Variants in SLK observed in about 807,000 individuals in gnomAD.
The protein encoded by SLK is STE20 like kinase, also known as STE20-like serine/threonine-protein kinase.
Under a neutral mutation model 147.7 loss-of-function variants are expected in SLK, and 67 were observed. The ratio of observed to expected loss-of-function variants is 0.45; its 90% CI spans 0.37 to 0.56. The LOEUF is 0.56. Ranked by LOEUF, SLK falls within the 20% of genes least tolerant of loss-of-function variation. The pLI is 0.00. For missense variants in SLK, 1,136 were observed against 1,438.8 expected (o/e 0.79, Z 3.41); for synonymous variants, 441 against 475.0 (o/e 0.93, Z 0.93).
At chr10:103,987,507 A>G (rs556916646) in intron 1 of SLK, among the ~76,000 whole-genome samples, 199 of 133,972 alleles carry the variant, frequency 1.5e-3, no homozygotes, top group African/African-American at 4.7e-3. Flanking sequence ...ATGTGCATGA[A>G]TTTTATTTTA....
chr10:103,968,420 A>G (rs1394883648), intron 1 of SLK, among the ~76,000 whole-genome samples: 1 of 152,248 alleles, frequency 6.6e-6, no homozygotes, highest in Non-Finnish European at 1.5e-5. Context: ...TATAAAATAG[A>G]ATGGAATTTC....
intron 7 of SLK, among the ~76,000 whole-genome samples, chr10:104,001,081 A>C (rs1444219405): frequency 6.6e-6 from 1 of 151,462 alleles, no homozygotes; most frequent in African/African-American, 2.4e-5. Flanking sequence ...AAAAAAAAAA[A>C]AAAAAGTAAT....
chr10:103,979,198 G>A (rs1231498869), intron 1 of SLK, among the ~76,000 whole-genome samples: 1 of 152,228 alleles, frequency 6.6e-6, no homozygotes, highest in African/African-American at 2.4e-5. Flanking sequence ...GTATTTTTTA[G>A]TAGAGATGGG....
At chr10:103,997,183 C>T (rs931431284) in intron 4 of SLK, among the ~76,000 whole-genome samples, 2 of 152,152 alleles carry the variant, frequency 1.3e-5, no homozygotes, top group Non-Finnish European at 2.9e-5. Context: ...CAACATTTGT[C>T]CTTTTGTGAC....
intron 13 of SLK, 125 bp downstream of exon 13, chr10:104,011,033 A>G: frequency 2.0e-6 from 1 of 494,254 alleles, no homozygotes; most frequent in Non-Finnish European, 3.5e-6. Context: ...TCCCCATTCA[A>G]AAACTCCTGG....
At chr10:104,019,447 T>A (rs917684107) in intron 15 of SLK, among the ~76,000 whole-genome samples, 1 of 151,986 alleles carries the variant, frequency 6.6e-6, no homozygotes, top group Non-Finnish European at 1.5e-5. Flanking sequence ...AAAAAAAATT[T>A]TGTGTGTGGA....
Position 104,021,739 on chromosome 10 carries a change from TTTAAAAGCTTTAA to T in SLK, c.3561+13_3561+25del, listed in dbSNP as rs1564664881. 2 of 1,448,886 alleles carry T rather than the reference TTTAAAAGCTTTAA, an allele frequency of 1.4e-6. No homozygotes were observed. The allele number at this position is 1,448,886 out of a possible 1,614,324, so 89.8% of individuals were successfully genotyped here. ...AATTGAGACCTAGGAAAAAGGTAAT[TTTAAAAGCTTTAA>T]TTAAAATGATATGTGTGTACTCGTC... On this transcript the variant is annotated splice_region_variant and intron_variant, in intron 18 of 18. Coordinates refer to ENST00000369755, the MANE Select transcript of SLK (RefSeq NM_014720.4).
chr10:104,001,443 G>A lies in SLK; in HGVS notation c.865-1G>A. The A allele has an allele frequency of 6.2e-7, 1 of 1,612,982 alleles. No homozygotes were observed. Among genetic ancestry groups the A allele is most frequent in the Non-Finnish European group, 8.5e-7 (1 of 1,179,104 alleles). Reference sequence around the variant, plus strand: ...AGTATGTTCTTTTTAATGATCAACAGCATCCCTTTGTTACTGTTGATTCCA... The same window carrying A: ...AGTATGTTCTTTTTAATGATCAACAACATCCCTTTGTTACTGTTGATTCCA... On this transcript the variant is annotated splice_acceptor_variant, in intron 7 of 18. Transcript: ENST00000369755. LOFTEE classifies it high-confidence loss of function.
At chr10:103,998,148 G>A (rs1844199690) in intron 4 of SLK, among the ~76,000 whole-genome samples, 1 of 152,168 alleles carries the variant, frequency 6.6e-6, no homozygotes, top group African/African-American at 2.4e-5. Context: ...ACAAAGGTTA[G>A]AATTGTGAAT....
At position 104,025,998 on chromosome 10, in the gene SLK, C is replaced by A; in HGVS notation, c.*278C>A. The A allele has an allele frequency of 3.5e-6, 1 of 286,628 alleles. No homozygotes were observed. The highest frequency in any genetic ancestry group is 1.4e-4 in the South Asian group (1 of 7,048). 17.8% of individuals were successfully genotyped at this position (286,628 alleles called of 1,614,324 possible). Reference sequence around the variant, plus strand: ...AAATTATGTTCTTTAGACACTGCTACCTGAAAACTGTTGGAGAAATAATGT... The same window carrying A: ...AAATTATGTTCTTTAGACACTGCTAACTGAAAACTGTTGGAGAAATAATGT... On this transcript the variant is annotated 3_prime_UTR_variant, in exon 19 of 19. Coordinates refer to ENST00000369755, the MANE Select transcript of SLK (RefSeq NM_014720.4).
Position 103,967,610 on chromosome 10 carries a change from G to A in SLK, c.-136G>A, listed in dbSNP as rs1843731437. 2.2e-6 allele frequency: 1 copy of A among 450,838 alleles called. No individual in the cohort carries two copies. Among genetic ancestry groups the A allele is most frequent in the South Asian group, 8.9e-5 (1 of 11,230 alleles). The allele number at this position is 450,838 out of a possible 1,614,324, so 27.9% of individuals were successfully genotyped here. On this transcript the variant is annotated 5_prime_UTR_variant, in exon 1 of 19. Transcript: ENST00000369755. Reference sequence around the variant, plus strand: ...GCCCCGCCTTCTCCCGGGACCGCCCGGCCGGAGCTGCGGGGGCCGAGGGAC... The same window carrying A: ...GCCCCGCCTTCTCCCGGGACCGCCCAGCCGGAGCTGCGGGGGCCGAGGGAC...
Position 104,029,138 on chromosome 10 carries a change from A to AT in SLK, c.*3422dup, listed in dbSNP as rs1844634774. On this transcript the variant is annotated 3_prime_UTR_variant, in exon 19 of 19. Coordinates refer to ENST00000369755, the MANE Select transcript of SLK (RefSeq NM_014720.4). ...TTCATAAGCTAAATTTTCAGAAAGA[A>AT]TTTTGTTTAAGATTATGCCTCTTAT... is the stretch of plus-strand genomic sequence containing the variant. 6.6e-6 allele frequency: 1 copy of AT among 152,214 alleles called. No individual in the cohort carries two copies. Among genetic ancestry groups the AT allele is most frequent in the Admixed American group, 6.5e-5 (1 of 15,284 alleles). The allele number at this position is 152,214 out of a possible 1,614,324, so 9.4% of individuals were successfully genotyped here. A position where few individuals can be genotyped will look rare whatever the true frequency, so the allele number is the denominator to read the frequency against.
chr10:104,016,442 T>G (rs1482614914), intron 13 of SLK, among the ~76,000 whole-genome samples: 1 of 152,132 alleles, frequency 6.6e-6, no homozygotes, highest in Non-Finnish European at 1.5e-5. Flanking sequence ...GGCTTGGAGA[T>G]TTTGCATCTC....
chr10:104,003,588 T>C (rs2134500664), intron 9 of SLK, 61 bp downstream of exon 9: 1 of 1,352,184 alleles, frequency 7.4e-7, no homozygotes. Flanking sequence ...TCAGAGTTTA[T>C]GTGAAATTGA....
Position 103,992,603 on chromosome 10 carries a change from C to A in SLK, c.321C>A (p.Leu107=), listed in dbSNP as rs1208470548. ...AFYYENNLWI[L]IEFCAGGAVD... is the part of the protein sequence containing the mutation. ...TTTTTTTTTTTTGCATGCAGATCCTCATTGAATTTTGTGCAGGTGGAGCAG... is the reference window on the plus strand; with the variant it reads ...TTTTTTTTTTTTGCATGCAGATCCTAATTGAATTTTGTGCAGGTGGAGCAG... The change falls in exon 3 of 19, where the codon CTC becomes CTA. Residue 107 remains leucine, a synonymous_variant. Coordinates refer to ENST00000369755, the MANE Select transcript of SLK (RefSeq NM_014720.4). 1 of 1,234,990 alleles carries A rather than the reference C, an allele frequency of 8.1e-7. No individual in the cohort carries two copies. Among genetic ancestry groups the A allele is most frequent in the Non-Finnish European group, 1.0e-6 (1 of 966,106 alleles). 76.5% of individuals were successfully genotyped at this position (1,234,990 alleles called of 1,614,324 possible).
Position 103,967,697 on chromosome 10 carries a change from T to G in SLK, c.-49T>G. The stretch of plus-strand genomic sequence containing the variant: ...GAGCAGGGAAGAGAAACTTTGCCTT[T>G]TATTGTTTTTAGTCCTTAAGTGCAA... On this transcript the variant is annotated 5_prime_UTR_variant, in exon 1 of 19. Transcript: ENST00000369755. 2.5e-6 allele frequency: 4 copies of G among 1,570,480 alleles called. No homozygotes were observed. Among genetic ancestry groups the G allele is most frequent in the African/African-American group, 1.4e-5 (1 of 73,118 alleles).
intron 11 of SLK, among the ~76,000 whole-genome samples, chr10:104,007,022 G>A (rs1844335526): frequency 6.6e-6 from 1 of 152,048 alleles, no homozygotes. Flanking sequence ...GAGTCTTGTT[G>A]CAAGAGTAGA....
chr10:103,994,556 C>T (rs1305047236), intron 4 of SLK, among the ~76,000 whole-genome samples: 1 of 152,084 alleles, frequency 6.6e-6, no homozygotes, highest in Non-Finnish European at 1.5e-5. Flanking sequence ...ATATCACCCA[C>T]ATGGGTGCAA....
At chr10:104,019,681 TG>T in intron 15 of SLK, 52 bp from the exon 16 acceptor site, 2 of 1,314,094 alleles carry the variant, frequency 1.5e-6, no homozygotes, top group Non-Finnish European at 2.2e-6. Flanking sequence ...AATATGCATG[TG>T]GGTACTGACT....
Sources: allele counts gnomAD v4.1 joint callset (sites outside exome capture counted in the v4.1 genomes callset), GRCh38; gene constraint gnomAD v4.1.1; transcripts MANE v1.5; gene names NCBI Gene and HGNC (gene_info 2026-07-23, HGNC 2026-07-21).